Variants in PIP5K1B observed in about 807,000 individuals in gnomAD.
PIP5K1B encodes the protein phosphatidylinositol 4-phosphate 5-kinase type-1 beta.
A neutral mutation model predicts 67.0 loss-of-function variants in PIP5K1B; 42 were observed. The observed-to-expected ratio is 0.63, with a 90% CI of 0.49 to 0.81. The LOEUF (loss-of-function observed/expected upper bound fraction) is 0.81, where lower values mean the gene tolerates loss of function less well. Ranked by LOEUF, PIP5K1B falls within the 30% of genes least tolerant of loss-of-function variation. The pLI is 0.00. For missense variants in PIP5K1B, 459 were observed against 646.3 expected, an observed-to-expected ratio of 0.71 and a Z score of 3.14; for synonymous variants, 214 against 231.4, an observed-to-expected ratio of 0.92 and a Z score of 0.68.
chr9:68,760,781 T>C (rs1830150177), intron 2 of PIP5K1B, among the ~76,000 whole-genome samples: 1 of 152,054 alleles, frequency 6.6e-6, no homozygotes, highest in Non-Finnish European at 1.5e-5. Context: ...CTCACAAATA[T>C]GCTAAAAATA....
At chr9:68,874,308 T>A (rs1227380645) in intron 5 of PIP5K1B, among the ~76,000 whole-genome samples, 2 of 152,210 alleles carry the variant, frequency 1.3e-5, no homozygotes, top group Non-Finnish European at 2.9e-5. Flanking sequence ...AATGATTTAG[T>A]GGTTTTTTTG....
At chr9:68,949,241 C>A (rs1334115171) in intron 14 of PIP5K1B, among the ~76,000 whole-genome samples, 1 of 152,200 alleles carries the variant, frequency 6.6e-6, no homozygotes, top group Non-Finnish European at 1.5e-5. Context: ...TTTGTAGACA[C>A]TCTTCAATTC....
rs1456972654 is a variant in PIP5K1B at position 68,705,613 on chromosome 9, C to T, written c.-392C>T. 3 of 144,282 alleles carry T rather than the reference C, an allele frequency of 2.1e-5. No individual in the cohort carries two copies. The highest frequency in any genetic ancestry group is 5.1e-5 in the African/African-American group (2 of 39,428). The allele number at this position is 144,282 out of a possible 1,614,324, so 8.9% of individuals were successfully genotyped here. On this transcript the variant is annotated 5_prime_UTR_variant, in exon 1 of 16. Coordinates refer to ENST00000265382, the MANE Select transcript of PIP5K1B (RefSeq NM_003558.4). ...CCCCGGCCCCGGCCCCGCCCGCCGC[C>T]CCCTCCGCCCTCCCGCCCCTCCCGC...
In PIP5K1B at chr9:68,784,447, C is replaced by A. The variant is rs117550699; in HGVS notation, c.-85-34014C>A. The A allele has an allele frequency of 1.9e-3, 310 of 166,908 alleles. 1 individual carries two copies. The highest frequency in any genetic ancestry group is 3.6e-3 in the Non-Finnish European group (248 of 68,104). The allele number at this position is 166,908 out of a possible 1,614,324, so 10.3% of individuals were successfully genotyped here. ...CTCCAAGGCTGCTGGATGTTAGGACCCTTAAGCATACTTAAAAGATTGATT... is the reference window on the plus strand; with the variant it reads ...CTCCAAGGCTGCTGGATGTTAGGACACTTAAGCATACTTAAAAGATTGATT... On this transcript the variant is annotated intron_variant, in intron 2 of 15. Coordinates refer to ENST00000265382, the MANE Select transcript of PIP5K1B (RefSeq NM_003558.4).
chr9:68,823,259 A>ACTC (rs1833818232), intron 4 of PIP5K1B, among the ~76,000 whole-genome samples: 1 of 152,222 alleles, frequency 6.6e-6, no homozygotes, highest in Non-Finnish European at 1.5e-5. Flanking sequence ...GGATTAGAGC[A>ACTC]TGGGAATCTT....
chr9:68,990,865 T>C (rs1830330622), intron 14 of PIP5K1B, among the ~76,000 whole-genome samples: 1 of 152,008 alleles, frequency 6.6e-6, no homozygotes, highest in African/African-American at 2.4e-5. Flanking sequence ...GGTTTCACCA[T>C]GTTGGCCAGG....
chr9:68,823,740 G>T (rs1833845425), intron 4 of PIP5K1B, among the ~76,000 whole-genome samples: 1 of 152,156 alleles, frequency 6.6e-6, no homozygotes, highest in African/African-American at 2.4e-5. Flanking sequence ...TGTATTGAAG[G>T]TTTATTATTT....
intron 2 of PIP5K1B, among the ~76,000 whole-genome samples, chr9:68,747,769 G>A (rs1044469289): frequency 6.6e-6 from 1 of 151,956 alleles, no homozygotes; most frequent in African/African-American, 2.4e-5. Flanking sequence ...TCAGTCCAGG[G>A]TCATATAAAA....
At chr9:68,922,841 C>CT (rs1050794829) in intron 11 of PIP5K1B, among the ~76,000 whole-genome samples, 37 of 152,328 alleles carry the variant, frequency 2.4e-4, no homozygotes, top group Middle Eastern at 3.4e-3. Context: ...GAAACCAGAA[C>CT]TTTTTTTAAC....
intron 14 of PIP5K1B, among the ~76,000 whole-genome samples, chr9:68,944,753 G>A (rs1827719675): frequency 6.6e-6 from 1 of 152,052 alleles, no homozygotes; most frequent in South Asian, 2.1e-4. Context: ...CTAGAACAGG[G>A]GTGGAAACAC....
At chr9:68,853,787 A>C (rs1822614802) in intron 4 of PIP5K1B, among the ~76,000 whole-genome samples, 1 of 152,196 alleles carries the variant, frequency 6.6e-6, no homozygotes, top group South Asian at 2.1e-4. Flanking sequence ...GGAGAACTGC[A>C]GACCCCATGA....
At chr9:68,974,725 G>A (rs114686652) in intron 14 of PIP5K1B, among the ~76,000 whole-genome samples, 1,950 of 152,318 alleles carry the variant, frequency 0.013, 26 homozygotes, top group African/African-American at 0.032. Flanking sequence ...AGGACAGAAA[G>A]TCAATTCTGC....
intron 12 of PIP5K1B, among the ~76,000 whole-genome samples, chr9:68,929,084 A>G (rs565830178): frequency 2.0e-5 from 3 of 150,974 alleles, no homozygotes; most frequent in Non-Finnish European, 4.4e-5. Context: ...AATCACTTGA[A>G]CCTGGGAGGC....
intron 8 of PIP5K1B, among the ~76,000 whole-genome samples, chr9:68,895,908 G>A (rs1825060852): frequency 6.6e-6 from 1 of 152,066 alleles, no homozygotes; most frequent in African/African-American, 2.4e-5. Flanking sequence ...AACTTATCCA[G>A]CATTACTTAC....
intron 14 of PIP5K1B, among the ~76,000 whole-genome samples, chr9:68,988,610 C>T (rs901427732): frequency 2.0e-4 from 31 of 151,806 alleles, no homozygotes; most frequent in African/African-American, 4.4e-4. Flanking sequence ...CCACCATTCC[C>T]GGCTAATATT....
At chr9:68,855,327 C>T (rs901331133) in intron 4 of PIP5K1B, among the ~76,000 whole-genome samples, 1 of 152,126 alleles carries the variant, frequency 6.6e-6, no homozygotes, top group Non-Finnish European at 1.5e-5. Context: ...TCCTTGGATA[C>T]TCCCCTCTCT....
chr9:68,784,568 G>T (rs1199370284), intron 2 of PIP5K1B: 2 of 166,952 alleles, frequency 1.2e-5, no homozygotes, highest in African/African-American at 4.8e-5. Context: ...AGTTTATTTG[G>T]CAATAAAATT....
intron 12 of PIP5K1B, among the ~76,000 whole-genome samples, chr9:68,932,050 C>T (rs1267943033): frequency 6.6e-6 from 1 of 152,186 alleles, no homozygotes; most frequent in Non-Finnish European, 1.5e-5. Flanking sequence ...CCGGTCTTCT[C>T]TGCTCCTCAT....
At chr9:68,993,959 G>A (rs1415611827) in intron 15 of PIP5K1B, among the ~76,000 whole-genome samples, 1 of 151,866 alleles carries the variant, frequency 6.6e-6, no homozygotes, top group African/African-American at 2.4e-5. Flanking sequence ...AAGAGTGAGG[G>A]AAGGATACAG....
Sources: gnomAD v4.1 joint callset for allele counts (sites outside exome capture counted in the v4.1 genomes callset) on GRCh38, gnomAD v4.1.1 for gene constraint, MANE v1.5 for transcripts, NCBI Gene and HGNC (gene_info 2026-07-23, HGNC 2026-07-21) for gene names.